ADARB2: variants seen among roughly 807,000 people sequenced by gnomAD.
The protein encoded by ADARB2 is inactive double-stranded RNA-specific editase B2.
Under a neutral mutation model 62.2 loss-of-function variants are expected in ADARB2, and 25 were observed. The ratio of observed to expected loss-of-function variants is 0.40; its 90% confidence interval spans 0.29 to 0.56. The LOEUF (loss-of-function observed/expected upper bound fraction) is 0.56, where lower values mean the gene tolerates loss of function less well. Among genes scored for constraint, ADARB2 ranks in the 20% least tolerant of loss-of-function variants. The pLI is 0.43. For missense variants in ADARB2, 1,071 were observed against 1,077.4 expected, an observed-to-expected ratio of 0.99 and a Z score of 0.08; for synonymous variants, 572 against 500.8, an observed-to-expected ratio of 1.14 and a Z score of -1.90.
At chr10:1,607,352 G>A (rs1833506439) in intron 1 of ADARB2, among the ~76,000 whole-genome samples, 1 of 152,170 alleles carries the variant, frequency 6.6e-6, no homozygotes, top group African/African-American at 2.4e-5. Flanking sequence ...TTTAGGCTGG[G>A]ACAGAGGTCT....
At chr10:1,342,696 A>C (rs1401826939) in intron 3 of ADARB2, among the ~76,000 whole-genome samples, 1 of 152,186 alleles carries the variant, frequency 6.6e-6, no homozygotes, top group Non-Finnish European at 1.5e-5. Flanking sequence ...CTACCGCCCC[A>C]ATCGTTCAGC....
chr10:1,293,178 GGAGA>G (rs1376830449), intron 3 of ADARB2, among the ~76,000 whole-genome samples: 2 of 50,772 alleles, frequency 3.9e-5, no homozygotes, highest in Non-Finnish European at 8.6e-5. Context: ...GGGGAGAGGG[GGAGA>G]GAAAGACAGG....
At position 1,354,391 on chromosome 10, in the gene ADARB2, GC is replaced by G. The variant is rs1832173931; in HGVS notation, c.1077+8636del. ...TGAGCACCTTGTGACCCCCACCCCT[GC>G]CCACCAGAGAACAGCCCCCCTTTTT... On this transcript the variant is annotated intron_variant, in intron 3 of 9. Coordinates refer to ENST00000381312, the MANE Select transcript of ADARB2 (RefSeq NM_018702.4). Among the ~76,000 whole-genome samples, 3 of 141,300 alleles carry G rather than the reference GC, an allele frequency of 2.1e-5. No individual in the cohort carries two copies. In the South Asian group the frequency reaches 6.7e-4, roughly 31 times the overall value. The allele number at this position is 141,300 out of a possible 152,430, so 92.7% of individuals were successfully genotyped here.
intron 1 of ADARB2, among the ~76,000 whole-genome samples, chr10:1,513,533 T>C (rs1036442136): frequency 6.6e-6 from 1 of 152,212 alleles, no homozygotes; most frequent in Non-Finnish European, 1.5e-5. Flanking sequence ...ACCATGGTTC[T>C]AGCCAGGAGT....
At chr10:1,185,133 G>A (rs1000587555) in intron 8 of ADARB2, 94 bp from the exon 9 acceptor site, 2 of 1,419,046 alleles carry the variant, frequency 1.4e-6, no homozygotes, top group African/African-American at 2.8e-5. Flanking sequence ...GCCTGTATGT[G>A]AGTGGGAATG....
intron 4 of ADARB2, among the ~76,000 whole-genome samples, chr10:1,253,788 C>A (rs1831056010): frequency 6.6e-6 from 1 of 152,182 alleles, no homozygotes; most frequent in Non-Finnish European, 1.5e-5. Flanking sequence ...AGGTGTGTAA[C>A]CACTGGCCAC....
intron 1 of ADARB2, among the ~76,000 whole-genome samples, chr10:1,583,253 C>G (rs1183126110): frequency 6.6e-6 from 1 of 152,132 alleles, no homozygotes; most frequent in African/African-American, 2.4e-5. Flanking sequence ...AAGAGGATGG[C>G]AAGGGGTCAC....
chr10:1,682,837 G>T (rs1364952968), intron 1 of ADARB2, among the ~76,000 whole-genome samples: 2 of 152,200 alleles, frequency 1.3e-5, no homozygotes, highest in African/African-American at 4.8e-5. Context: ...ACGGCCAGGG[G>T]CAGATGGGTT....
intron 1 of ADARB2, among the ~76,000 whole-genome samples, chr10:1,403,365 C>T (rs1321306432): frequency 2.0e-5 from 3 of 152,158 alleles, no homozygotes; most frequent in African/African-American, 7.2e-5. Context: ...TTGCGGGGGC[C>T]CTATCTGGGT....
intron 1 of ADARB2, among the ~76,000 whole-genome samples, chr10:1,468,700 C>G (rs536533600): frequency 2.6e-5 from 4 of 152,344 alleles, no homozygotes; most frequent in African/African-American, 9.6e-5. Flanking sequence ...GGTCCAAGGA[C>G]AAGTGGTGCC....
rs780647669 is a variant in ADARB2, at chr10:1,271,639, CACAG to C, written c.1078-574_1078-571del. 5.3e-5 allele frequency among the ~76,000 whole-genome samples: 8 copies of C among 152,064 alleles called. No individual in the cohort carries two copies. In the East Asian group the frequency reaches 7.8e-4, roughly 15 times the overall value. ...ACGAATATGCACACACATGCACACA[CACAG>C]ACACACACATACACATACACGTGTG... On this transcript the variant is annotated intron_variant, in intron 3 of 9. Coordinates refer to ENST00000381312, the MANE Select transcript of ADARB2 (RefSeq NM_018702.4).
intron 6 of ADARB2, among the ~76,000 whole-genome samples, chr10:1,229,136 T>C (rs1347010206): frequency 6.6e-6 from 1 of 152,194 alleles, no homozygotes; most frequent in Non-Finnish European, 1.5e-5. Context: ...TGAGACCAAT[T>C]GGCATTGATA....
chr10:1,182,941 A>C lies in ADARB2; in HGVS notation c.*252T>G. The stretch of plus-strand genomic sequence containing the variant: ...ATGGAGCCCCTCCCTCAGACTCCAC[A>C]GGAAGAGTCGGCGCTAACTCAACAG... On this transcript the variant is annotated 3_prime_UTR_variant, in exon 10 of 10. Transcript: ENST00000381312. The C allele has an allele frequency of 2.1e-6, 1 of 472,692 alleles. No individual in the cohort carries two copies. Among genetic ancestry groups the C allele is most frequent in the Admixed American group, 3.5e-5 (1 of 28,424 alleles). 29.3% of individuals were successfully genotyped at this position (472,692 alleles called of 1,614,324 possible).
In ADARB2 at chr10:1,363,759, C is replaced by G; in HGVS notation, c.346G>C (p.Val116Leu). 6.2e-7 allele frequency: 1 copy of G among 1,605,782 alleles called. No homozygotes were observed. The highest frequency in any genetic ancestry group is 8.5e-7 in the Non-Finnish European group (1 of 1,179,396). ...NGGHLCKLQL[V>L]WKKLSWSVAP... ...ACCGACCACGACAGCTTCTTCCAGA[C>G]CAGCTGCAGTTTGCACAAGTGGCCC... The change falls in exon 3 of 10, where the codon GTC becomes CTC. Residue 116 changes from valine (V) to leucine (L), a missense_variant. Coordinates refer to ENST00000381312, the MANE Select transcript of ADARB2 (RefSeq NM_018702.4).
At chr10:1,478,758 G>A (rs1439050831) in intron 1 of ADARB2, among the ~76,000 whole-genome samples, 1 of 139,762 alleles carries the variant, frequency 7.2e-6, no homozygotes, top group African/African-American at 2.7e-5. Context: ...AAGGACCCTC[G>A]GATGGGAGAG....
At chr10:1,265,498 A>T (rs1400103664) in intron 4 of ADARB2, among the ~76,000 whole-genome samples, 1 of 152,260 alleles carries the variant, frequency 6.6e-6, no homozygotes, top group Non-Finnish European at 1.5e-5. Flanking sequence ...TGTGATGGAG[A>T]GAAGGGGTGA....
At chr10:1,338,639 T>C (rs1370267904) in intron 3 of ADARB2, among the ~76,000 whole-genome samples, 1 of 152,192 alleles carries the variant, frequency 6.6e-6, no homozygotes, top group African/African-American at 2.4e-5. Context: ...GTTTCATAAA[T>C]GAATCTAAAA....
intron 1 of ADARB2, among the ~76,000 whole-genome samples, chr10:1,381,922 A>C (rs969419859): frequency 5.9e-5 from 9 of 152,126 alleles, no homozygotes; most frequent in Non-Finnish European, 1.2e-4. Context: ...TGGAGTCTTA[A>C]TGTGCAGCAT....
chr10:1,545,608 C>T (rs1234871259), intron 1 of ADARB2, among the ~76,000 whole-genome samples: 1 of 152,156 alleles, frequency 6.6e-6, no homozygotes, highest in Admixed American at 6.6e-5. Flanking sequence ...GAAGGGTCCT[C>T]GTGGAGCTCT....
Sources: allele counts gnomAD v4.1 joint callset (sites outside exome capture counted in the v4.1 genomes callset), GRCh38; gene constraint gnomAD v4.1.1; transcripts MANE v1.5; gene names NCBI Gene and HGNC (gene_info 2026-07-23, HGNC 2026-07-21).